XPO4: variants seen among roughly 807,000 people sequenced by gnomAD.
The protein encoded by XPO4 is exportin-4.
XPO4 carries 39 observed loss-of-function variants against 143.0 expected under a neutral mutation model. The observed-to-expected ratio is 0.27, with a 90% CI of 0.21 to 0.36. The LOEUF is 0.36. XPO4 is among the 10% of genes least tolerant of loss of function. XPO4 has a pLI of 1.00. For synonymous variants in XPO4, 439 were observed against 474.0 expected (o/e 0.93, Z 0.96); for missense variants, 907 against 1,348.0 (o/e 0.67, Z 5.12).
chr13:20,885,150 G>A (rs1056268699), intron 1 of XPO4, among the ~76,000 whole-genome samples: 11 of 151,968 alleles, frequency 7.2e-5, no homozygotes, highest in African/African-American at 1.5e-4. Context: ...GGGTTTCTCC[G>A]TATTGGTCAG....
rs897873591 is a variant in XPO4 at position 20,809,724 on chromosome 13, G to C, written c.1350+67C>G. 8.7e-6 allele frequency: 13 copies of C among 1,486,030 alleles called. No homozygotes were observed. In the African/African-American group the frequency reaches 1.4e-4, roughly 16 times the overall value. The allele number at this position is 1,486,030 out of a possible 1,614,324, so 92.1% of individuals were successfully genotyped here. ...TCCTAAATTTCTGGCATTATATAAT[G>C]TGTAACATGGTAAAATATAGCCTAT... On this transcript the variant is annotated intron_variant, in intron 10 of 22. Transcript: ENST00000255305.
chr13:20,873,313 A>G (rs1235059997), intron 1 of XPO4, among the ~76,000 whole-genome samples: 2 of 152,158 alleles, frequency 1.3e-5, no homozygotes, highest in Non-Finnish European at 2.9e-5. Flanking sequence ...ATTACTTACT[A>G]ATGAATAGAT....
intron 1 of XPO4, among the ~76,000 whole-genome samples, chr13:20,876,093 CAAAAAA>C (rs11301411): frequency 1.1e-5 from 1 of 90,740 alleles, no homozygotes; most frequent in Admixed American, 1.3e-4. Flanking sequence ...CTACTAAATA[CAAAAAA>C]AAAAAAAAAA....
intron 2 of XPO4, chr13:20,863,146 A>AAAAAAT (rs1247795583): frequency 4.8e-6 from 5 of 1,052,102 alleles, no homozygotes; most frequent in South Asian, 4.1e-5. Flanking sequence ...ACAGCTTTAA[A>AAAAAAT]AAAAATAAAA....
At chr13:20,859,901 G>C in intron 3 of XPO4, 1 of 972,966 alleles carries the variant, frequency 1.0e-6, no homozygotes, top group East Asian at 1.1e-4. Context: ...AGTCTACCAA[G>C]GTCTCCAGAG....
chr13:20,856,099 G>A (rs943743183), intron 3 of XPO4, among the ~76,000 whole-genome samples: 3 of 152,100 alleles, frequency 2.0e-5, no homozygotes, highest in Non-Finnish European at 4.4e-5. Flanking sequence ...AGTGTTATTT[G>A]CTCCAGGAAG....
intron 1 of XPO4, among the ~76,000 whole-genome samples, chr13:20,878,803 C>T (rs2060378894): frequency 6.6e-6 from 1 of 152,108 alleles, no homozygotes; most frequent in Non-Finnish European, 1.5e-5. Context: ...GTAGGCAAAA[C>T]ATCTATATGA....
At chr13:20,841,742 T>G (rs1232347229) in intron 6 of XPO4, among the ~76,000 whole-genome samples, 2 of 152,008 alleles carry the variant, frequency 1.3e-5, no homozygotes, top group African/African-American at 4.8e-5. Context: ...TTAAATGTCA[T>G]AATTTTACCA....
chr13:20,902,573 C>A, intron 1 of XPO4, 97 bp downstream of exon 1: 1 of 1,395,152 alleles, frequency 7.2e-7, no homozygotes, highest in South Asian at 1.6e-5. Context: ...CCTGCAGGCC[C>A]TTGCCAGTCG....
intron 1 of XPO4, chr13:20,879,001 A>T: frequency 1.4e-6 from 1 of 703,884 alleles, no homozygotes; most frequent in Non-Finnish European, 1.7e-6. Context: ...TAAAAATTTT[A>T]AGTGCATCAC....
At chr13:20,839,290 C>T (rs2059949878) in intron 6 of XPO4, among the ~76,000 whole-genome samples, 1 of 152,074 alleles carries the variant, frequency 6.6e-6, no homozygotes. Flanking sequence ...CAAAGGACCA[C>T]ATATTATATG....
intron 1 of XPO4, among the ~76,000 whole-genome samples, chr13:20,880,680 G>A (rs578196169): frequency 6.6e-6 from 1 of 152,146 alleles, no homozygotes; most frequent in Non-Finnish European, 1.5e-5. Context: ...GAAGCGGTAG[G>A]GGGCAGTGGC....
intron 6 of XPO4, among the ~76,000 whole-genome samples, chr13:20,837,251 C>T (rs9509393): frequency 4.2e-4 from 64 of 152,204 alleles, no homozygotes; most frequent in African/African-American, 1.3e-3. Flanking sequence ...TAGCAGCATC[C>T]GTAGCCTCAA....
intron 7 of XPO4, among the ~76,000 whole-genome samples, chr13:20,822,926 A>G (rs910488899): frequency 3.9e-5 from 6 of 152,214 alleles, no homozygotes; most frequent in African/African-American, 1.4e-4. Context: ...AAGCTAACCT[A>G]TATTTTACTT....
At position 20,843,004 on chromosome 13, in the gene XPO4, C is replaced by A. The variant is rs756567390; in HGVS notation, c.618G>T (p.Leu206=). 1.2e-6 allele frequency: 2 copies of A among 1,613,160 alleles called. No individual in the cohort carries two copies. The highest frequency in any genetic ancestry group is 1.7e-6 in the Non-Finnish European group (2 of 1,179,396). The part of the protein sequence containing the change: ...RQIFMLTVEV[L]QEFSRRENLN... Reference sequence around the variant, plus strand: ...GGTTTTCCCGCCTGCTGAACTCCTGCAGAACTTCAACAGTTAACATGAAGA... The same window carrying A: ...GGTTTTCCCGCCTGCTGAACTCCTGAAGAACTTCAACAGTTAACATGAAGA... The change falls in exon 6 of 23, where the codon CTG becomes CTT. Residue 206 remains leucine (L), a synonymous_variant. Transcript: ENST00000255305.
chr13:20,876,408 T>C (rs1010968389), intron 1 of XPO4, among the ~76,000 whole-genome samples: 1 of 151,808 alleles, frequency 6.6e-6, no homozygotes, highest in African/African-American at 2.4e-5. Context: ...AACAAACCTA[T>C]GACATATGAC....
At chr13:20,883,118 G>A (rs781566312) in intron 1 of XPO4, among the ~76,000 whole-genome samples, 1 of 152,158 alleles carries the variant, frequency 6.6e-6, no homozygotes, top group Non-Finnish European at 1.5e-5. Context: ...CAGGCCCTGA[G>A]AATGGCTTTA....
chr13:20,863,158 T>A, intron 2 of XPO4: 1 of 1,020,818 alleles, frequency 9.8e-7, no homozygotes, highest in Admixed American at 5.0e-5. Flanking sequence ...AAAATAAAAA[T>A]AAAAATATAA....
At chr13:20,801,729 A>G (rs1030968075) in intron 13 of XPO4, among the ~76,000 whole-genome samples, 1 of 152,234 alleles carries the variant, frequency 6.6e-6, no homozygotes, top group Non-Finnish European at 1.5e-5. Context: ...AAAGGAGGTA[A>G]TGGAAAGACC....
Sources: allele counts gnomAD v4.1 joint callset (sites outside exome capture counted in the v4.1 genomes callset), GRCh38; gene constraint gnomAD v4.1.1; transcripts MANE v1.5; gene names NCBI Gene and HGNC (gene_info 2026-07-23, HGNC 2026-07-21).